FBN2: variants seen among roughly 807,000 people sequenced by gnomAD.
FBN2 encodes fibrillin-2.
FBN2 carries 105 observed loss-of-function variants against 355.6 expected under a neutral mutation model. The ratio of observed to expected loss-of-function variants is 0.30; its 90% CI spans 0.25 to 0.35. The LOEUF (loss-of-function observed/expected upper bound fraction) is 0.35, where lower values mean the gene tolerates loss of function less well. FBN2 is among the 10% of genes least tolerant of loss of function. The probability of loss-of-function intolerance (pLI) is 1.00; values close to 1 mark genes in which losing one functional copy is unlikely to be tolerated. For missense variants in FBN2, 3,280 were observed against 3,758.7 expected (o/e 0.87, Z 3.33); for synonymous variants, 1,350 against 1,301.2 (o/e 1.04, Z -0.81).
chr5:128,510,698 A>ATG (rs1306849515), intron 5 of FBN2, among the ~76,000 whole-genome samples: 1 of 152,146 alleles, frequency 6.6e-6, no homozygotes, highest in Non-Finnish European at 1.5e-5. Flanking sequence ...ATACATATAT[A>ATG]TGTGTGTGTA....
chr5:128,414,213 A>G (rs1753138576), intron 7 of FBN2, among the ~76,000 whole-genome samples: 1 of 152,174 alleles, frequency 6.6e-6, no homozygotes. Flanking sequence ...TTGTGCAGCC[A>G]TAACTACAAC....
intron 5 of FBN2, among the ~76,000 whole-genome samples, chr5:128,492,557 C>T (rs1006252683): frequency 6.6e-6 from 1 of 152,138 alleles, no homozygotes; most frequent in African/African-American, 2.4e-5. Context: ...AATCCCAGCA[C>T]TTTGGGAGGC....
At chr5:128,293,944 G>C (rs895627802) in intron 48 of FBN2, among the ~76,000 whole-genome samples, 1 of 151,750 alleles carries the variant, frequency 6.6e-6, no homozygotes. Flanking sequence ...CCACTAACTC[G>C]TCATCTAGCA....
chr5:128,294,079 T>C (rs1215498659), intron 48 of FBN2, among the ~76,000 whole-genome samples: 1 of 151,376 alleles, frequency 6.6e-6, no homozygotes, highest in East Asian at 2.0e-4. Context: ...TGAGTGAGAA[T>C]ATGCGGTGTT....
At chr5:128,483,479 T>C (rs1351869647) in intron 5 of FBN2, among the ~76,000 whole-genome samples, 5 of 151,916 alleles carry the variant, frequency 3.3e-5, no homozygotes, top group Non-Finnish European at 7.4e-5. Context: ...GACAGCCTTT[T>C]GGAAAACTAC....
chr5:128,398,948 C>T (rs1044521948), intron 8 of FBN2, among the ~76,000 whole-genome samples: 39 of 152,196 alleles, frequency 2.6e-4, no homozygotes, highest in African/African-American at 9.2e-4. Flanking sequence ...GAGGCCTCCC[C>T]AGCCATATGG....
chr5:128,498,825 T>C (rs1382660990), intron 5 of FBN2, among the ~76,000 whole-genome samples: 1 of 152,234 alleles, frequency 6.6e-6, no homozygotes, highest in African/African-American at 2.4e-5. Context: ...TCTACAAATC[T>C]ATAATGTAAT....
At chr5:128,361,880 A>T (rs1372145974) in intron 18 of FBN2, 32 bp from the exon 19 acceptor site, 1 of 1,609,416 alleles carries the variant, frequency 6.2e-7, no homozygotes, top group East Asian at 2.2e-5. Context: ...TAGGAGATAC[A>T]CATATTTAAG....
intron 11 of FBN2, among the ~76,000 whole-genome samples, chr5:128,381,419 G>A (rs980411665): frequency 1.3e-5 from 2 of 151,998 alleles, no homozygotes; most frequent in African/African-American, 4.8e-5. Context: ...AACAGCAATG[G>A]CAGTTTGTTA....
At chr5:128,327,433 T>C (rs1373075982) in intron 34 of FBN2, among the ~76,000 whole-genome samples, 1 of 152,162 alleles carries the variant, frequency 6.6e-6, no homozygotes, top group Non-Finnish European at 1.5e-5. Flanking sequence ...TTGATGCTGA[T>C]GAATTGTGTG....
At chr5:128,298,303 CA>C (rs1337300949) in intron 48 of FBN2, among the ~76,000 whole-genome samples, 1 of 151,496 alleles carries the variant, frequency 6.6e-6, no homozygotes, top group East Asian at 1.9e-4. Context: ...GTGAATCTGA[CA>C]ATTATGTGTC....
intron 25 of FBN2, among the ~76,000 whole-genome samples, chr5:128,339,835 C>A (rs1421671774): frequency 6.6e-6 from 1 of 152,116 alleles, no homozygotes; most frequent in African/African-American, 2.4e-5. Context: ...GCAGCCACGA[C>A]GGACCAACCC....
At chr5:128,357,232 C>G in intron 20 of FBN2, 44 bp downstream of exon 20, 5 of 1,612,284 alleles carry the variant, frequency 3.1e-6, no homozygotes, top group Non-Finnish European at 4.2e-6. Context: ...CTGTGCTTAT[C>G]TTGGCAGTGA....
At chr5:128,489,536 G>A (rs2127123298) in intron 5 of FBN2, among the ~76,000 whole-genome samples, 1 of 152,154 alleles carries the variant, frequency 6.6e-6, no homozygotes, top group South Asian at 2.1e-4. Flanking sequence ...TGGTAAATGT[G>A]TTTGTAAGTA....
At chr5:128,351,052 A>C (rs1751343055) in intron 20 of FBN2, 47 bp from the exon 21 acceptor site, 2 of 1,610,802 alleles carry the variant, frequency 1.2e-6, no homozygotes, top group Non-Finnish European at 8.5e-7. Flanking sequence ...TCTGAAGAAA[A>C]TAGAATTCAG....
chr5:128,364,821 T>C (rs1162356383), intron 17 of FBN2, 96 bp from the exon 18 acceptor site: 1 of 1,049,396 alleles, frequency 9.5e-7, no homozygotes, highest in Admixed American at 1.9e-5. Context: ...ATATGAAGTG[T>C]TTAACTCTGC....
intron 8 of FBN2, among the ~76,000 whole-genome samples, chr5:128,403,528 G>T (rs1244416861): frequency 6.6e-6 from 1 of 152,120 alleles, no homozygotes; most frequent in African/African-American, 2.4e-5. Flanking sequence ...TTGCCAACGC[G>T]TTATTTATTG....
At chr5:128,345,896 A>C (rs1338604450) in intron 23 of FBN2, among the ~76,000 whole-genome samples, 1 of 152,212 alleles carries the variant, frequency 6.6e-6, no homozygotes, top group Non-Finnish European at 1.5e-5. Context: ...AGATAATTTT[A>C]ATGATAATTC....
In FBN2 at chr5:128,299,918, A is replaced by G. The variant is rs1749668237; in HGVS notation, c.6166+899T>C. Among the ~76,000 whole-genome samples, 3 of 84,250 alleles carry G rather than the reference A, an allele frequency of 3.6e-5. No homozygotes were observed. The South Asian group carries it at 1.5e-3, about 42-fold the overall frequency. The allele number at this position is 84,250 out of a possible 152,430, so 55.3% of individuals were successfully genotyped here. A position where few individuals can be genotyped will look rare whatever the true frequency, so the allele number is the denominator to read the frequency against. On this transcript the variant is annotated intron_variant, in intron 48 of 64. Transcript: ENST00000262464. ...TATTGTTTATTATTTTTTAAGTATT[A>G]AAAACACTAGTCTTATAATGAACTA...
Sources: allele counts gnomAD v4.1 joint callset (sites outside exome capture counted in the v4.1 genomes callset), GRCh38; gene constraint gnomAD v4.1.1; transcripts MANE v1.5; gene names NCBI Gene and HGNC (gene_info 2026-07-23, HGNC 2026-07-21).